CFAP54: variants seen among roughly 807,000 people sequenced by gnomAD.
CFAP54 encodes cilia- and flagella-associated protein 54.
CFAP54 carries 290 observed loss-of-function variants against 370.4 expected under a neutral mutation model. The ratio of observed to expected loss-of-function variants is 0.78; its 90% CI spans 0.71 to 0.86. CFAP54 has a LOEUF of 0.86. CFAP54 is among the 40% of genes least tolerant of loss of function. The probability of loss-of-function intolerance (pLI) is 0.00; values close to 1 mark genes in which losing one functional copy is unlikely to be tolerated. For synonymous variants in CFAP54, 1,206 were observed against 1,236.5 expected (o/e 0.98, Z 0.52); for missense variants, 3,399 against 3,528.7 (o/e 0.96, Z 0.93).
chr12:96,638,241 GTATA>G (rs58804420), intron 32 of CFAP54, among the ~76,000 whole-genome samples: 53,463 of 122,076 alleles, frequency 0.44, 12,092 homozygotes, highest in Middle Eastern at 0.61. Context: ...GTGTGTGTGT[GTATA>G]TATATATATA....
intron 32 of CFAP54, among the ~76,000 whole-genome samples, chr12:96,639,859 G>A (rs1340659451): frequency 6.6e-6 from 1 of 152,152 alleles, no homozygotes; most frequent in South Asian, 2.1e-4. Flanking sequence ...TGCAGAAAAG[G>A]CCTTTGACAA....
intron 30 of CFAP54, among the ~76,000 whole-genome samples, chr12:96,628,419 T>A (rs1367564995): frequency 1.3e-5 from 2 of 152,112 alleles, no homozygotes; most frequent in Admixed American, 1.3e-4. Flanking sequence ...GCAAAGACTG[T>A]AGTCTAAATG....
intron 27 of CFAP54, among the ~76,000 whole-genome samples, 154 bp downstream of exon 27, chr12:96,621,875 G>GTTTGTTT (rs1956496257): frequency 3.6e-4 from 18 of 50,038 alleles, no homozygotes; most frequent in Non-Finnish European, 5.3e-4. Context: ...TTTTGGGTTT[G>GTTTGTTT]TTTTTTTTTT....
chr12:96,506,774 A>G (rs1394943587), intron 3 of CFAP54, among the ~76,000 whole-genome samples, 154 bp from the exon 4 acceptor site: 1 of 151,942 alleles, frequency 6.6e-6, no homozygotes, highest in Non-Finnish European at 1.5e-5. Flanking sequence ...TTTAGTAGAG[A>G]CAGGATTTCA....
At chr12:96,498,965 T>A (rs1469070958) in intron 1 of CFAP54, among the ~76,000 whole-genome samples, 2 of 152,046 alleles carry the variant, frequency 1.3e-5, no homozygotes, top group African/African-American at 4.8e-5. Context: ...TTTTAAATAT[T>A]TTTATTTATT....
chr12:96,701,870 G>A (rs916284101), intron 46 of CFAP54, among the ~76,000 whole-genome samples: 2 of 152,164 alleles, frequency 1.3e-5, no homozygotes, highest in African/African-American at 4.8e-5. Flanking sequence ...ATGGGAAACT[G>A]CGCAGTTTTG....
chr12:96,827,001 GATTA>G (rs1459094823), intron 65 of CFAP54, among the ~76,000 whole-genome samples: 5 of 139,158 alleles, frequency 3.6e-5, no homozygotes, highest in South Asian at 2.2e-4. Flanking sequence ...AATTATATAT[GATTA>G]ATTATAATAT....
intron 46 of CFAP54, among the ~76,000 whole-genome samples, chr12:96,700,560 C>T (rs989415428): frequency 1.3e-5 from 2 of 152,104 alleles, no homozygotes; most frequent in Non-Finnish European, 2.9e-5. Context: ...AGAGAACATT[C>T]CTCCATATTG....
At chr12:96,490,900 T>C (rs530449764) in intron 1 of CFAP54, among the ~76,000 whole-genome samples, 2 of 152,042 alleles carry the variant, frequency 1.3e-5, no homozygotes, top group South Asian at 4.2e-4. Flanking sequence ...GTAAATAATC[T>C]TACAAGGAGA....
chr12:96,518,268 C>G (rs1225551504), intron 5 of CFAP54, among the ~76,000 whole-genome samples: 1 of 152,182 alleles, frequency 6.6e-6, no homozygotes, highest in Admixed American at 6.5e-5. Context: ...ACCTCCTATA[C>G]CAGCTAATCT....
chr12:96,531,932 G>A (rs1955444137), intron 9 of CFAP54, among the ~76,000 whole-genome samples: 1 of 152,134 alleles, frequency 6.6e-6, no homozygotes, highest in Admixed American at 6.6e-5. Flanking sequence ...CACCATGTTG[G>A]CCAGGCTGGT....
rs1784704041 is a variant in CFAP54 at position 96,792,408 on chromosome 12, T to C, written c.8759T>C (p.Ile2920Thr). The C allele has an allele frequency of 2.6e-6, 4 of 1,535,958 alleles. No individual in the cohort carries two copies. The East Asian group carries it at 7.3e-5, about 28-fold the overall frequency. Residue 2920 changes from isoleucine (I) to threonine (T), a missense_variant, in exon 63 of 68, where the codon ATA (isoleucine) becomes ACA (threonine). By Grantham distance (89) the Ile-to-Thr change is moderately conservative (BLOSUM62 -1). Transcript: ENST00000524981. ...SGSSCVDITP[I>T]EMVTQASNKE... ...TCATCTTGTGTGGACATAACGCCAA[T>C]AGAAATGGTAACGCAAGCTTCAAAC...
At chr12:96,597,790 C>T (rs973730830) in intron 25 of CFAP54, among the ~76,000 whole-genome samples, 2 of 151,684 alleles carry the variant, frequency 1.3e-5, no homozygotes, top group Non-Finnish European at 2.9e-5. Flanking sequence ...AAACAACAAC[C>T]CTCCTAGGTA....
intron 9 of CFAP54, among the ~76,000 whole-genome samples, chr12:96,529,419 T>G (rs969487985): frequency 6.6e-6 from 1 of 152,240 alleles, no homozygotes; most frequent in Non-Finnish European, 1.5e-5. Flanking sequence ...ATTCCCATGT[T>G]GCTTCATTGG....
intron 38 of CFAP54, 112 bp from the exon 39 acceptor site, chr12:96,663,718 G>T: frequency 2.8e-6 from 2 of 704,932 alleles, no homozygotes; most frequent in Non-Finnish European, 2.4e-6. Context: ...TTGTAGCATT[G>T]TTATGTATCT....
At chr12:96,602,784 C>G (rs1042039330) in intron 26 of CFAP54, among the ~76,000 whole-genome samples, 3 of 152,004 alleles carry the variant, frequency 2.0e-5, no homozygotes, top group South Asian at 4.2e-4. Context: ...GCAACCCCTG[C>G]TTTTTTTTGC....
At chr12:96,580,148 AATCACTTGAGTGTTAATCTTTTTTTTTAC>A (rs1360753439) in intron 20 of CFAP54, among the ~76,000 whole-genome samples, 4 of 151,804 alleles carry the variant, frequency 2.6e-5, no homozygotes, top group Non-Finnish European at 5.9e-5. Flanking sequence ...AAAATATGAA[AATCACTTGAGTGTTAATCTTTTTTTTTAC>A]ATCAAGACAA....
chr12:96,751,306 C>G (rs923655540), intron 55 of CFAP54, among the ~76,000 whole-genome samples: 7 of 152,032 alleles, frequency 4.6e-5, no homozygotes, highest in African/African-American at 1.7e-4. Context: ...CATCTCTGCC[C>G]TCAAGAAGCT....
intron 1 of CFAP54, among the ~76,000 whole-genome samples, chr12:96,494,096 C>CA (rs927601921): frequency 5.3e-5 from 8 of 151,908 alleles, no homozygotes; most frequent in Non-Finnish European, 8.8e-5. Context: ...AATAGGGGGA[C>CA]AAAAATGCAG....
Sources: gnomAD v4.1 joint callset for allele counts (sites outside exome capture counted in the v4.1 genomes callset) on GRCh38, gnomAD v4.1.1 for gene constraint, MANE v1.5 for transcripts, NCBI Gene and HGNC (gene_info 2026-07-23, HGNC 2026-07-21) for gene names.